The following GPATCH8 variants were observed in gnomAD, a reference collection of about 807,000 sequenced individuals.
GPATCH8 encodes G-patch domain containing 8.
In GPATCH8, 18 loss-of-function variants were observed where a neutral mutation model predicts 118.3. The observed-to-expected ratio is 0.15, with a 90% CI of 0.11 to 0.23. The LOEUF (loss-of-function observed/expected upper bound fraction) is 0.23. Ranked by LOEUF, GPATCH8 falls within the 10% of genes least tolerant of loss-of-function variation. The probability of loss-of-function intolerance (pLI) is 1.00; values close to 1 mark genes in which losing one functional copy is unlikely to be tolerated. For missense variants in GPATCH8, 1,631 were observed against 1,873.8 expected (o/e 0.87, Z 2.39); for synonymous variants, 659 against 684.7 (o/e 0.96, Z 0.59).
chr17:44,472,976 G>A (rs1433490948), intron 2 of GPATCH8, among the ~76,000 whole-genome samples: 1 of 151,106 alleles, frequency 6.6e-6, no homozygotes, highest in South Asian at 2.1e-4. Flanking sequence ...TTACAGGCTT[G>A]AGCCACCGCA....
intron 5 of GPATCH8, among the ~76,000 whole-genome samples, chr17:44,430,645 A>AT (rs375784095): frequency 0.086 from 12,713 of 147,338 alleles, 591 homozygotes; most frequent in Non-Finnish European, 0.11. Context: ...TCACTGTTGC[A>AT]TTTTTTTTTT....
chr17:44,497,293 GA>G (rs1969727133), intron 1 of GPATCH8, among the ~76,000 whole-genome samples: 1 of 152,178 alleles, frequency 6.6e-6, no homozygotes, highest in African/African-American at 2.4e-5. Context: ...TACGCTTTCA[GA>G]AAATGGCAAT....
At chr17:44,499,144 C>G (rs1410046412) in intron 1 of GPATCH8, among the ~76,000 whole-genome samples, 1 of 152,012 alleles carries the variant, frequency 6.6e-6, no homozygotes, top group Non-Finnish European at 1.5e-5. Context: ...ACTCACTGAT[C>G]TATTACTGTA....
intron 3 of GPATCH8, among the ~76,000 whole-genome samples, chr17:44,440,804 C>T (rs1270600116): frequency 6.6e-6 from 1 of 152,162 alleles, no homozygotes; most frequent in Non-Finnish European, 1.5e-5. Flanking sequence ...ACAAAACTGT[C>T]CTAAAGACTT....
At chr17:44,446,875 C>A (rs2050903724) in intron 3 of GPATCH8, among the ~76,000 whole-genome samples, 1 of 152,112 alleles carries the variant, frequency 6.6e-6, no homozygotes, top group Non-Finnish European at 1.5e-5. Flanking sequence ...CACTCTGTCA[C>A]CCAGGCTGGA....
At position 44,401,279 on chromosome 17, in the gene GPATCH8, G is replaced by T. The variant is rs1042217799; in HGVS notation, c.798C>A (p.Ile266=). The part of the protein sequence containing the change: ...DKGGPFTAVQ[I]TNTTGLAQAP... ...CCTGGGCCAGTCCAGTGGTATTAGT[G>T]ATTTGTACTGCAGTGAAAGGGCCTC... The change falls in exon 8 of 8, where the codon ATC becomes ATA. Residue 266 remains isoleucine (I), a synonymous_variant. Transcript: ENST00000591680. 6.2e-7 allele frequency: 1 copy of T among 1,612,900 alleles called. No homozygotes were observed. Among genetic ancestry groups the T allele is most frequent in the African/African-American group, 1.3e-5 (1 of 74,928 alleles).
chr17:44,395,468 C>T lies in GPATCH8; in HGVS notation c.*2100G>A, dbSNP rs1167627775. The T allele has an allele frequency of 2.2e-6, 1 of 454,484 alleles. No individual in the cohort carries two copies. The highest frequency in any genetic ancestry group is 4.4e-6 in the Non-Finnish European group (1 of 226,788). 28.2% of individuals were successfully genotyped at this position (454,484 alleles called of 1,614,324 possible). Reference sequence around the variant, plus strand: ...GCCCCTAGGAAGGCAAAGAGGCAGCCAGAGTATGGCTCAATCTACAAGCTA... The same window carrying T: ...GCCCCTAGGAAGGCAAAGAGGCAGCTAGAGTATGGCTCAATCTACAAGCTA... On this transcript the variant is annotated 3_prime_UTR_variant, in exon 8 of 8. Transcript: ENST00000591680.
chr17:44,477,268 C>T (rs1414799501), intron 1 of GPATCH8, among the ~76,000 whole-genome samples: 8 of 152,148 alleles, frequency 5.3e-5, no homozygotes, highest in African/African-American at 1.9e-4. Flanking sequence ...ATCTCTTACA[C>T]CTAATAACAT....
At chr17:44,492,422 AT>A (rs1969322255) in intron 1 of GPATCH8, among the ~76,000 whole-genome samples, 1 of 149,710 alleles carries the variant, frequency 6.7e-6, no homozygotes, top group African/African-American at 2.5e-5. Flanking sequence ...CCAAAAAAAA[AT>A]TAGCCAGGCG....
intron 1 of GPATCH8, 26 bp downstream of exon 1, chr17:44,503,300 G>A (rs202097472): frequency 3.1e-6 from 5 of 1,595,994 alleles, no homozygotes; most frequent in African/African-American, 2.7e-5. Flanking sequence ...CGCCTTCCCC[G>A]CATCCTCGGC....
chr17:44,412,676 A>G (rs2049488798), intron 6 of GPATCH8, among the ~76,000 whole-genome samples: 1 of 152,112 alleles, frequency 6.6e-6, no homozygotes, highest in Non-Finnish European at 1.5e-5. Context: ...GAGCCACCAC[A>G]CCCAGCTGAA....
rs759042549 is a variant in GPATCH8, at chr17:44,400,950, T to C, written c.1127A>G (p.Lys376Arg). ...DGGSLASTLS[K>R]LKRMKREEGA... Reference sequence around the variant, plus strand: ...TTCTTCTCGTTTCATCCTTTTTAATTTGGATAATGTTGAGGCAAGGGACCC... The same window carrying C: ...TTCTTCTCGTTTCATCCTTTTTAATCTGGATAATGTTGAGGCAAGGGACCC... Residue 376 changes from lysine to arginine, a missense_variant, in exon 8 of 8, where the codon AAA becomes AGA. Physicochemically the swap from Lys to Arg is conservative, Grantham distance 26. Around this residue, in one of 8 missense-constraint regions of GPATCH8, gnomAD observed 405 missense variants for 462.7 expected, o/e 0.88. Coordinates refer to ENST00000591680, the MANE Select transcript of GPATCH8 (RefSeq NM_001002909.4). The C allele has an allele frequency of 6.2e-7, 1 of 1,614,204 alleles. No individual in the cohort carries two copies. Among genetic ancestry groups the C allele is most frequent in the Non-Finnish European group, 8.5e-7 (1 of 1,180,022 alleles).
At chr17:44,474,625 C>T (rs750124273) in intron 2 of GPATCH8, 12 of 663,572 alleles carry the variant, frequency 1.8e-5, no homozygotes, top group Non-Finnish European at 3.3e-5. Flanking sequence ...TAATGTGTTT[C>T]TAGATTTTTT....
In GPATCH8 at chr17:44,422,285, G is replaced by A. The variant is rs1011960160; in HGVS notation, c.492+2064C>T. 3.9e-5 allele frequency among the ~76,000 whole-genome samples: 6 copies of A among 152,032 alleles called. No homozygotes were observed. The East Asian group carries it at 7.7e-4, about 20-fold the overall frequency. On this transcript the variant is annotated intron_variant, in intron 6 of 7. Transcript: ENST00000591680. ...CAACCTCAAACTCCTGGGCTCAAGC[G>A]ATTCTAACACCTCGGCTTCTGGAGT... is the stretch of plus-strand genomic sequence containing the variant.
In GPATCH8 at chr17:44,399,258, C is replaced by T; in HGVS notation, c.2819G>A (p.Ser940Asn). The T allele has an allele frequency of 6.2e-7, 1 of 1,614,108 alleles. No homozygotes were observed. Among genetic ancestry groups the T allele is most frequent in the Admixed American group, 1.7e-5 (1 of 60,008 alleles). Residue 940 changes from serine (S) to asparagine (N), a missense_variant, in exon 8 of 8, where the codon AGC (serine) becomes AAC (asparagine). By Grantham distance (46) the Ser-to-Asn change is conservative. Transcript: ENST00000591680. ...SSDDDYSLSC[S>N]QSRSRSRSHT... ...ACTCCGAGATCGGCTTCGGGACTGG[C>T]TGCAACTGAGGCTATAGTCATCATC...
At chr17:44,444,146 T>C (rs997323858) in intron 3 of GPATCH8, among the ~76,000 whole-genome samples, 1 of 152,096 alleles carries the variant, frequency 6.6e-6, no homozygotes, top group African/African-American at 2.4e-5. Context: ...GTGAAAGTGT[T>C]GTTAAATCAG....
At chr17:44,436,819 A>C in intron 3 of GPATCH8, 1 of 470,564 alleles carries the variant, frequency 2.1e-6, no homozygotes, top group East Asian at 3.9e-5. Context: ...ACTTTTAAGC[A>C]ATGGCATCAG....
chr17:44,489,593 GC>G (rs1448353210), intron 1 of GPATCH8, among the ~76,000 whole-genome samples: 2 of 152,150 alleles, frequency 1.3e-5, no homozygotes, highest in Non-Finnish European at 2.9e-5. Context: ...GCCCGCCTCG[GC>G]CTCCCAAAGG....
At position 44,424,404 on chromosome 17, in the gene GPATCH8, T is replaced by C; in HGVS notation, c.437A>G (p.Gln146Arg). 6.2e-7 allele frequency: 1 copy of C among 1,601,316 alleles called. No individual in the cohort carries two copies. The highest frequency in any genetic ancestry group is 8.6e-7 in the Non-Finnish European group (1 of 1,168,228). The change falls in exon 6 of 8, where the codon CAG (glutamine) becomes CGG (arginine). Residue 146 changes from glutamine to arginine, a missense_variant. This residue lies in a region of GPATCH8 where 81 missense variants were observed against 227.6 expected (regional missense o/e 0.36). Transcript: ENST00000591680. Reference protein sequence around the residue: ...FYCELCDKQYQKHQEFDNHIN... With the variant: ...FYCELCDKQYRKHQEFDNHIN... Reference sequence around the variant, plus strand: ...ATGGTTATCAAATTCCTGATGTTTCTGATATTGCTTATCACACAGTTCACA... The same window carrying C: ...ATGGTTATCAAATTCCTGATGTTTCCGATATTGCTTATCACACAGTTCACA...
Sources: gnomAD v4.1 joint callset for allele counts (sites outside exome capture counted in the v4.1 genomes callset) on GRCh38, gnomAD v4.1.1 for gene constraint, gnomAD v4.1.1 regional missense constraint, MANE v1.5 for transcripts, NCBI Gene and HGNC (gene_info 2026-07-23, HGNC 2026-07-21) for gene names.